Variants in SHANK2 observed in about 807,000 individuals in gnomAD.
SHANK2 encodes the protein SH3 and multiple ankyrin repeat domains 2.
In SHANK2, 43 loss-of-function variants were observed where a neutral mutation model predicts 133.7. That is an observed-to-expected ratio of 0.32 (90% CI 0.25 to 0.41). The LOEUF (loss-of-function observed/expected upper bound fraction) is 0.41. SHANK2 is among the 10% of genes least tolerant of loss of function. The pLI is 1.00. For missense variants in SHANK2, 1,994 were observed against 2,235.8 expected (o/e 0.89, Z 2.18); for synonymous variants, 1,017 against 952.8 (o/e 1.07, Z -1.24).
intron 9 of SHANK2, among the ~76,000 whole-genome samples, chr11:71,068,964 C>T: frequency 1.3e-5 from 2 of 151,398 alleles, no homozygotes; most frequent in Middle Eastern, 6.8e-3. Flanking sequence ...ATCACCATGA[C>T]CACCCTCACC....
rs1665490709 is a variant in SHANK2 at position 70,503,045 on chromosome 11, G to A, written c.2062-114C>T. On this transcript the variant is annotated intron_variant, in intron 17 of 25. Coordinates refer to ENST00000601538, the MANE Select transcript of SHANK2 (RefSeq NM_012309.5). ...CTAAAAAGGGGGCAAATGCAGGGAA[G>A]CAAAGGGAGTGAGACCGTCATCTTT... is the stretch of plus-strand genomic sequence containing the variant. The A allele has an allele frequency of 9.5e-6, 11 of 1,163,268 alleles. No individual in the cohort carries two copies. The South Asian group carries it at 9.8e-5, about 10-fold the overall frequency. 72.1% of individuals were successfully genotyped at this position (1,163,268 alleles called of 1,614,324 possible).
intron 2 of SHANK2, among the ~76,000 whole-genome samples, chr11:71,179,140 C>T (rs574714485): frequency 6.6e-6 from 1 of 152,276 alleles, no homozygotes; most frequent in East Asian, 1.9e-4. Flanking sequence ...AAAGAAAACA[C>T]AGACCAACAT....
intron 17 of SHANK2, among the ~76,000 whole-genome samples, chr11:70,622,218 C>T (rs562217505): frequency 6.6e-5 from 10 of 152,258 alleles, no homozygotes; most frequent in South Asian, 2.1e-4. Flanking sequence ...AACACAGCAC[C>T]GCAACTTCCC....
intron 11 of SHANK2, among the ~76,000 whole-genome samples, chr11:70,843,941 A>G (rs527303831): frequency 4.2e-4 from 64 of 152,220 alleles, no homozygotes; most frequent in African/African-American, 1.4e-3. Flanking sequence ...TACCATCTTC[A>G]TCTTCCTCCT....
intron 17 of SHANK2, among the ~76,000 whole-genome samples, chr11:70,539,584 C>G (rs1245418067): frequency 2.7e-5 from 4 of 147,238 alleles, no homozygotes; most frequent in Admixed American, 2.1e-4. Flanking sequence ...AGTGGATGAG[C>G]AATCACAGAC....
intron 17 of SHANK2, among the ~76,000 whole-genome samples, chr11:70,525,490 T>C (rs1554971959): frequency 1.3e-5 from 2 of 151,720 alleles, no homozygotes; most frequent in African/African-American, 4.8e-5. Context: ...TTCTGCCTTC[T>C]GCTAGGAGCA....
chr11:70,661,552 C>CACACACAA, intron 16 of SHANK2, 44 bp downstream of exon 16: 1 of 1,225,346 alleles, frequency 8.2e-7, no homozygotes, highest in African/African-American at 1.7e-5. Context: ...CACACACACA[C>CACACACAA]ACAAACATGG....
intron 2 of SHANK2, among the ~76,000 whole-genome samples, chr11:71,195,391 C>CA (rs59797647): frequency 0.035 from 4,677 of 134,356 alleles, 177 homozygotes; most frequent in African/African-American, 0.09. Context: ...GACTCCGTCT[C>CA]AAAAAAAAAA....
intron 17 of SHANK2, among the ~76,000 whole-genome samples, chr11:70,592,664 C>T (rs2060340765): frequency 6.6e-6 from 1 of 152,114 alleles, no homozygotes; most frequent in Non-Finnish European, 1.5e-5. Context: ...CCTCTTAGAA[C>T]AAGGGCTGTG....
At chr11:71,084,906 T>C (rs1051273148) in intron 8 of SHANK2, among the ~76,000 whole-genome samples, 1 of 152,188 alleles carries the variant, frequency 6.6e-6, no homozygotes, top group African/African-American at 2.4e-5. Flanking sequence ...AGAATCATAG[T>C]GCAATTAAAG....
chr11:70,711,323 C>T (rs1439820146), intron 14 of SHANK2, among the ~76,000 whole-genome samples: 7 of 152,194 alleles, frequency 4.6e-5, no homozygotes, highest in South Asian at 2.1e-4. Flanking sequence ...GTGCTGCACC[C>T]GAACGCCTCC....
At chr11:70,898,703 G>T (rs1949977942) in intron 10 of SHANK2, among the ~76,000 whole-genome samples, 1 of 152,208 alleles carries the variant, frequency 6.6e-6, no homozygotes, top group African/African-American at 2.4e-5. Context: ...TGCAAAAGGA[G>T]AGAAATGAAT....
intron 10 of SHANK2, among the ~76,000 whole-genome samples, chr11:70,916,976 C>T (rs183109978): frequency 6.6e-6 from 1 of 152,298 alleles, no homozygotes; most frequent in African/African-American, 2.4e-5. Context: ...CTTTTGGATG[C>T]TTTGCTTAAT....
intron 14 of SHANK2, among the ~76,000 whole-genome samples, chr11:70,767,693 G>T (rs1421686507): frequency 6.6e-6 from 1 of 152,044 alleles, no homozygotes; most frequent in Non-Finnish European, 1.5e-5. Flanking sequence ...GCTGCCAGGG[G>T]TGGGGGGGGC....
In SHANK2 at chr11:70,781,141, TGTGAGACCCCGGACCGGTTGCC is replaced by T. The variant is rs544601467; in HGVS notation, c.1777+17280_1777+17301del. Among the ~76,000 whole-genome samples, 600 of 152,006 alleles carry T rather than the reference TGTGAGACCCCGGACCGGTTGCC, an allele frequency of 3.9e-3. 4 individuals carry two copies. Among genetic ancestry groups the T allele is most frequent in the Middle Eastern group, 0.017 (5 of 294 alleles). On this transcript the variant is annotated intron_variant, in intron 14 of 25. Coordinates refer to ENST00000601538, the MANE Select transcript of SHANK2 (RefSeq NM_012309.5). ...ATCCTCAGGCTGAAACTCATAGGGC[TGTGAGACCCCGGACCGGTTGCC>T]GTGAGACCCCGGACCGGTTGCATGT...
At chr11:70,718,267 G>C (rs895205) in intron 14 of SHANK2, among the ~76,000 whole-genome samples, 1 of 152,180 alleles carries the variant, frequency 6.6e-6, no homozygotes, top group Non-Finnish European at 1.5e-5. Context: ...GTGTTTCCTC[G>C]GTCTTGGCCG....
At chr11:71,233,990 T>G (rs1297938467) in intron 1 of SHANK2, among the ~76,000 whole-genome samples, 1 of 151,430 alleles carries the variant, frequency 6.6e-6, no homozygotes, top group Non-Finnish European at 1.5e-5. Context: ...GAGGCTGCAG[T>G]GAACCAAGAT....
intron 2 of SHANK2, among the ~76,000 whole-genome samples, chr11:71,163,222 G>T (rs1565488355): frequency 1.4e-5 from 2 of 144,132 alleles, no homozygotes; most frequent in African/African-American, 5.8e-5. Flanking sequence ...TATAATGTTT[G>T]TTTAATACTG....
intron 17 of SHANK2, among the ~76,000 whole-genome samples, chr11:70,524,439 C>T (rs145951607): frequency 1.1e-3 from 161 of 152,322 alleles, no homozygotes; most frequent in African/African-American, 3.7e-3. Context: ...CGGAGCAAAT[C>T]GGTACAACCC....
Sources: gnomAD v4.1 joint callset for allele counts (sites outside exome capture counted in the v4.1 genomes callset) on GRCh38, gnomAD v4.1.1 for gene constraint, MANE v1.5 for transcripts, NCBI Gene and HGNC (gene_info 2026-07-23, HGNC 2026-07-21) for gene names.